The following MYH3 variants were observed in gnomAD, a reference collection of about 807,000 sequenced individuals.
The protein encoded by MYH3 is myosin-3.
Under a neutral mutation model 238.0 loss-of-function variants are expected in MYH3, and 130 were observed. The ratio of observed to expected loss-of-function variants is 0.55; its 90% CI spans 0.47 to 0.63. The LOEUF is 0.63. Among genes scored for constraint, MYH3 ranks in the 30% least tolerant of loss-of-function variants. The pLI, the probability that MYH3 is intolerant of heterozygous loss-of-function variation, is 0.00. For missense variants in MYH3, 1,853 were observed against 2,374.9 expected (o/e 0.78, Z 4.57); for synonymous variants, 880 against 924.1 (o/e 0.95, Z 0.86).
At chr17:10,648,510 T>A in intron 8 of MYH3, 47 bp downstream of exon 8, 3 of 1,524,702 alleles carry the variant, frequency 2.0e-6, no homozygotes, top group Non-Finnish European at 2.7e-6. Flanking sequence ...TCTTGCCTAT[T>A]TTGTGAGGCA....
chr17:10,669,566 C>CAAAAA, the MYH3 span, among the ~76,000 whole-genome samples: 1 of 96,456 alleles, frequency 1.0e-5, no homozygotes, highest in African/African-American at 4.0e-5. Flanking sequence ...GAGTCCATCT[C>CAAAAA]AAAAAAAAAA....
intron 3 of MYH3, among the ~76,000 whole-genome samples, chr17:10,652,776 C>T (rs578153617): frequency 4.6e-5 from 7 of 151,994 alleles, no homozygotes; most frequent in Non-Finnish European, 1.0e-4. Context: ...CGCCCGCCAC[C>T]ACACCCGGCT....
rs557787800 is a variant in MYH3, at chr17:10,656,587, G to A, written c.-67-439C>T. Among the ~76,000 whole-genome samples the A allele has an allele frequency of 2.7e-5, 4 of 147,478 alleles. No homozygotes were observed. In the Admixed American group the frequency reaches 2.8e-4, roughly 10 times the overall value. Reference sequence around the variant, plus strand: ...GACTAATACTTTAAAGAGGCAGGCTGGAAGATGGAAGAGCAGATGGGACGT... The same window carrying A: ...GACTAATACTTTAAAGAGGCAGGCTAGAAGATGGAAGAGCAGATGGGACGT... On this transcript the variant is annotated intron_variant, in intron 1 of 40. Coordinates refer to ENST00000583535, the MANE Select transcript of MYH3 (RefSeq NM_002470.4).
chr17:10,648,935 A>T (rs2074349240), intron 7 of MYH3, among the ~76,000 whole-genome samples: 1 of 152,080 alleles, frequency 6.6e-6, no homozygotes, highest in Admixed American at 6.5e-5. Flanking sequence ...TCGGCCTCCC[A>T]AAGTGCTGGG....
chr17:10,662,971 C>T, the MYH3 span, among the ~76,000 whole-genome samples: 3 of 152,040 alleles, frequency 2.0e-5, no homozygotes, highest in Non-Finnish European at 2.9e-5. Context: ...CCTGTAATCC[C>T]AGCTACTCAG....
rs557130035 is a variant in MYH3, at chr17:10,637,816, G to A, written c.3849C>T (p.Thr1283=). 1.5e-5 allele frequency: 25 copies of A among 1,613,928 alleles called. No homozygotes were observed. Among genetic ancestry groups the A allele is most frequent in the East Asian group, 8.9e-5 (4 of 44,880 alleles). The part of the protein sequence containing the change: ...ELTTQKSRLQ[T]EAGELSRQLE... ...TTTCTGCACGTGGCTTACCAGCCTC[G>A]GTCTGCAAACGAGACTTCTGTGTGG... is the stretch of plus-strand genomic sequence containing the variant. Residue 1283 remains threonine, a synonymous_variant, in exon 28 of 41, where the codon ACC becomes ACT. Coordinates refer to ENST00000583535, the MANE Select transcript of MYH3 (RefSeq NM_002470.4).
rs539272823 is a variant in MYH3, at chr17:10,630,099, G to A, written c.5555C>T (p.Thr1852Met). ...CGTTTGCGTTCCACTTACCTGGTAC[G>A]TCAGCTCCTTGACCCTCCGCTCATA... ...RKYERRVKELTYQSEEDRKNV... is the reference protein window; with the variant it reads ...RKYERRVKELMYQSEEDRKNV... The change falls in exon 38 of 41, where the codon ACG becomes ATG. Residue 1852 changes from threonine to methionine, a missense_variant. Thr to Met is a moderately conservative substitution (Grantham distance 81). Transcript: ENST00000583535. The A allele has an allele frequency of 6.6e-5, 106 of 1,613,968 alleles. No individual in the cohort carries two copies. The South Asian group carries it at 7.8e-4, about 12-fold the overall frequency.
chr17:10,634,064 G>A lies in MYH3; in HGVS notation c.4475C>T (p.Ala1492Val), dbSNP rs376951520. The A allele has an allele frequency of 3.2e-5, 51 of 1,614,160 alleles. No homozygotes were observed. The highest frequency in any genetic ancestry group is 4.2e-5 in the Non-Finnish European group (50 of 1,180,028). ...LFKLKNAYEE[A>V]LDQLETVKRE... The stretch of plus-strand genomic sequence containing the variant: ...TTTCACAGTTTCAAGTTGATCTAAG[G>A]CTTCCTCGTAGGCATTTTTCAGTTT... The change falls in exon 32 of 41, where the codon GCC (alanine) becomes GTC (valine). Residue 1492 changes from alanine (A) to valine (V), a missense_variant. Ala to Val is a moderately conservative substitution (Grantham distance 64). This residue lies in a region of MYH3 where 1,044 missense variants were observed against 1,192.6 expected (regional missense o/e 0.88). Coordinates refer to ENST00000583535, the MANE Select transcript of MYH3 (RefSeq NM_002470.4).
rs1263044698 is a variant in MYH3, at chr17:10,654,620, A to C, written c.204+241T>G. On this transcript the variant is annotated intron_variant, in intron 3 of 40. Transcript: ENST00000583535. This position sits in a 1 kb window ranked among gnomAD's most constrained non-coding sequence, Gnocchi z 4.5. The stretch of plus-strand genomic sequence containing the variant: ...TGGCCTACAGTGAACGTGGACAAAA[A>C]TACCTGAAAACTAATTGTTTTAATC... Among the ~76,000 whole-genome samples the C allele has an allele frequency of 2.6e-5, 4 of 152,220 alleles. No individual in the cohort carries two copies. The highest frequency in any genetic ancestry group is 9.6e-5 in the African/African-American group (4 of 41,456).
intron 3 of MYH3, 93 bp from the exon 4 acceptor site, chr17:10,652,656 T>G (rs2074389397): frequency 7.0e-7 from 1 of 1,423,546 alleles, no homozygotes; most frequent in Non-Finnish European, 9.5e-7. Flanking sequence ...GAGTCTTGCT[T>G]TGTCGCCCAG....
intron 10 of MYH3, among the ~76,000 whole-genome samples, chr17:10,646,536 G>A (rs1445779350): frequency 6.6e-6 from 1 of 152,166 alleles, no homozygotes; most frequent in Non-Finnish European, 1.5e-5. Flanking sequence ...TGCCTCCGTG[G>A]GCTTGATTAT....
chr17:10,677,947 C>G, the MYH3 span: 46 of 152,240 alleles, frequency 3.0e-4, no homozygotes, highest in African/African-American at 1.1e-3. Flanking sequence ...GAAACCCAGT[C>G]TCTACTAAAA....
At chr17:10,634,210 G>A (rs369397668) in intron 31 of MYH3, 28 bp from the exon 32 acceptor site, 223 of 1,613,486 alleles carry the variant, frequency 1.4e-4, no homozygotes, top group Non-Finnish European at 1.8e-4. Context: ...AGTTCTCTCC[G>A]TTTCTGAGCT....
At position 10,629,929 on chromosome 17, in the gene MYH3, C is replaced by T. The variant is rs781722886; in HGVS notation, c.5571G>A (p.Glu1857=). 1.6e-5 allele frequency: 26 copies of T among 1,614,170 alleles called. No individual in the cohort carries two copies. The South Asian group carries it at 2.9e-4, about 18-fold the overall frequency. The part of the protein sequence containing the change: ...RVKELTYQSE[E]DRKNVLRLQD... ...GCAATCTCAGCACATTCTTCCTGTCCTCTTCACTCTAAGAATGAGAAAGTG... is the reference window on the plus strand; with the variant it reads ...GCAATCTCAGCACATTCTTCCTGTCTTCTTCACTCTAAGAATGAGAAAGTG... The change falls in exon 39 of 41, where the codon GAG becomes GAA. Residue 1857 remains glutamate, a synonymous_variant. Transcript: ENST00000583535.
At chr17:10,664,354 T>A in the MYH3 span, among the ~76,000 whole-genome samples, 2 of 152,118 alleles carry the variant, frequency 1.3e-5, no homozygotes, top group South Asian at 4.2e-4. Context: ...GAAACTTGCT[T>A]GGGGTAGGTA....
At chr17:10,658,614 C>T (rs191856707), upstream of MYH3, 1 of 152,350 alleles carries the variant, frequency 6.6e-6, no homozygotes, top group East Asian at 1.9e-4. Flanking sequence ...GGTGATTTCA[C>T]ATTGAAGCAA....
At chr17:10,630,602 C>A in intron 36 of MYH3, 144 bp from the exon 37 acceptor site, 1 of 1,281,312 alleles carries the variant, frequency 7.8e-7, no homozygotes, top group Non-Finnish European at 1.1e-6. Flanking sequence ...GTAATCCCAG[C>A]ACTTTGGGAG....
Position 10,642,629 on chromosome 17 carries a change from C to G in MYH3, c.1676G>C (p.Gly559Ala), listed in dbSNP as rs778663508. 1.2e-6 allele frequency: 2 copies of G among 1,614,202 alleles called. No individual in the cohort carries two copies. The highest frequency in any genetic ancestry group is 3.3e-5 in the Admixed American group (2 of 60,012). The change falls in exon 16 of 41, where the codon GGA becomes GCA. Residue 559 changes from glycine to alanine, a missense_variant. By Grantham distance (60) the Gly-to-Ala change is moderately conservative (BLOSUM62 0). This residue lies in a region of MYH3 where 678 missense variants were observed against 1,058.9 expected (regional missense o/e 0.64). Transcript: ENST00000583535. The surrounding 1 kb of genome is among the most constrained non-coding windows in gnomAD (Gnocchi z 5.4). ...GGGCTTCTGGAAGTTGTTGGACTTT[C>G]CAAGATGCTGGTCATACAGCTTGTT... ...FKNKLYDQHL[G>A]KSNNFQKPKV... is the part of the protein sequence containing the mutation.
rs2142411273 is a variant in MYH3, at chr17:10,645,996, G to A, written c.935C>T (p.Pro312Leu). Residue 312 changes from proline to leucine, a missense_variant, in exon 11 of 41, where the codon CCG becomes CTG. Around this residue, in one of 3 missense-constraint regions of MYH3, gnomAD observed 678 missense variants for 1,058.9 expected, o/e 0.64. Transcript: ENST00000583535. ...CAGGATCTCCCCCTGGCTAATGAAC[G>A]GGTAGTCGTAAGGGTTGGTCGTAAT... ...LLITTNPYDY[P>L]FISQGEILVA... 3.7e-6 allele frequency: 6 copies of A among 1,613,956 alleles called. No individual in the cohort carries two copies. Among genetic ancestry groups the A allele is most frequent in the South Asian group, 1.1e-5 (1 of 91,056 alleles).
Sources: gnomAD v4.1 joint callset for allele counts (sites outside exome capture counted in the v4.1 genomes callset) on GRCh38, gnomAD v4.1.1 for gene constraint, gnomAD v4.1.1 regional missense constraint, Gnocchi (gnomAD v3.1) non-coding constraint, MANE v1.5 for transcripts, NCBI Gene and HGNC (gene_info 2026-07-23, HGNC 2026-07-21) for gene names.